Variants in RALGPS1 observed in about 807,000 individuals in gnomAD.
RALGPS1 encodes ras-specific guanine nucleotide-releasing factor RalGPS1.
A neutral mutation model predicts 78.8 loss-of-function variants in RALGPS1; 19 were observed. The observed-to-expected ratio is 0.24, with a 90% CI of 0.17 to 0.35. The LOEUF is 0.35. RALGPS1 is among the 10% of genes least tolerant of loss of function. RALGPS1 has a pLI of 1.00. For synonymous variants in RALGPS1, 228 were observed against 256.3 expected (o/e 0.89, Z 1.06); for missense variants, 454 against 688.3 (o/e 0.66, Z 3.81).
intron 17 of RALGPS1, 72 bp from the exon 18 acceptor site, chr9:127,214,679 C>T: frequency 6.5e-7 from 1 of 1,539,646 alleles, no homozygotes; most frequent in Non-Finnish European, 8.7e-7. Context: ...GTTTACATTT[C>T]TCTTTATGCC....
chr9:127,070,125 C>T (rs1222838939), intron 8 of RALGPS1: 1 of 152,152 alleles, frequency 6.6e-6, no homozygotes, highest in African/African-American at 2.4e-5. Context: ...AGCTGTTCCA[C>T]CTCAGATGAT....
intron 5 of RALGPS1, among the ~76,000 whole-genome samples, chr9:127,040,072 C>T (rs1174897957): frequency 6.6e-6 from 1 of 152,070 alleles, no homozygotes; most frequent in Non-Finnish European, 1.5e-5. Context: ...TTGGAAGGGT[C>T]AAGATGCAAG....
intron 8 of RALGPS1, among the ~76,000 whole-genome samples, chr9:127,162,313 A>T (rs1235595638): frequency 6.6e-6 from 1 of 152,214 alleles, no homozygotes; most frequent in Non-Finnish European, 1.5e-5. Context: ...GGGTGTGCCA[A>T]CTACATGTAG....
At chr9:127,042,310 A>G (rs1040354367) in intron 5 of RALGPS1, among the ~76,000 whole-genome samples, 3 of 152,208 alleles carry the variant, frequency 2.0e-5, no homozygotes, top group African/African-American at 7.2e-5. Flanking sequence ...AAAGTTTATT[A>G]GCACCATGAC....
rs139301377 is a variant in RALGPS1 at position 127,027,944 on chromosome 9, C to G, written c.217-6487C>G. On this transcript the variant is annotated intron_variant, in intron 4 of 18. Transcript: ENST00000259351. The stretch of plus-strand genomic sequence containing the variant: ...TCTTGTTTGTGGATTCAGCAAGTTA[C>G]AGCATGTAAGTCCCCTAGCCCAGAG... 1.7e-4 allele frequency among the ~76,000 whole-genome samples: 26 copies of G among 152,334 alleles called. 1 individual carries two copies. The East Asian group carries it at 5.0e-3, about 29-fold the overall frequency.
intron 1 of RALGPS1, among the ~76,000 whole-genome samples, chr9:126,949,815 T>C (rs1232029922): frequency 6.6e-6 from 1 of 151,830 alleles, no homozygotes; most frequent in Non-Finnish European, 1.5e-5. Context: ...CTCTTTAGTT[T>C]AATTAGATCC....
At chr9:127,154,294 G>T (rs1007401804) in intron 8 of RALGPS1, among the ~76,000 whole-genome samples, 17 of 152,236 alleles carry the variant, frequency 1.1e-4, no homozygotes, top group African/African-American at 4.1e-4. Context: ...GTGTCCACAG[G>T]GTGTCCTGGA....
intron 8 of RALGPS1, among the ~76,000 whole-genome samples, chr9:127,158,853 G>T (rs896588327): frequency 1.3e-5 from 2 of 150,490 alleles, no homozygotes; most frequent in Admixed American, 1.3e-4. Flanking sequence ...GAATTAATTG[G>T]TAAGTGTTTT....
In RALGPS1 at chr9:127,005,617, A is replaced by G. The variant is rs78833059; in HGVS notation, c.216+27872A>G. ...CAGAACAGAAAGCTGCTTCGACTAC[A>G]CAGGAGTTCACTGGCTCTCCAAAGG... On this transcript the variant is annotated intron_variant, in intron 4 of 18. Coordinates refer to ENST00000259351, the MANE Select transcript of RALGPS1 (RefSeq NM_014636.3). Among the ~76,000 whole-genome samples, 421 of 152,246 alleles carry G rather than the reference A, an allele frequency of 2.8e-3. 2 individuals carry two copies. The highest frequency in any genetic ancestry group is 9.5e-3 in the African/African-American group (394 of 41,560).
intron 4 of RALGPS1, among the ~76,000 whole-genome samples, chr9:127,002,433 C>CTTTTTT (rs11380006): frequency 7.7e-5 from 9 of 117,408 alleles, no homozygotes; most frequent in Non-Finnish European, 9.5e-5. Context: ...CACAAACATT[C>CTTTTTT]TTTTTTTTTT....
chr9:127,091,607 G>C lies in RALGPS1; in HGVS notation c.610+22251G>C. ...CCGTTTCCAAGCCCTGGAGTCAGGG[G>C]CTCTGGCTCTGGTTGACCTCTTTTC... On this transcript the variant is annotated intron_variant, in intron 8 of 18. Coordinates refer to ENST00000259351, the MANE Select transcript of RALGPS1 (RefSeq NM_014636.3). The surrounding 1 kb of genome is among the most constrained non-coding windows in gnomAD (Gnocchi z 4.3). 6.4e-7 allele frequency: 1 copy of C among 1,562,968 alleles called. No individual in the cohort carries two copies. The highest frequency in any genetic ancestry group is 8.7e-7 in the Non-Finnish European group (1 of 1,153,294).
At chr9:127,045,584 A>G (rs937549339) in intron 5 of RALGPS1, among the ~76,000 whole-genome samples, 6 of 152,210 alleles carry the variant, frequency 3.9e-5, no homozygotes, top group Admixed American at 6.6e-5. Context: ...GAAATTACAG[A>G]TAAGCCAGGT....
intron 1 of RALGPS1, among the ~76,000 whole-genome samples, chr9:126,952,708 T>G (rs2037975168): frequency 1.3e-5 from 2 of 151,956 alleles, no homozygotes; most frequent in African/African-American, 4.8e-5. Flanking sequence ...TGTGCGCATG[T>G]GCATGCGTGC....
intron 8 of RALGPS1, among the ~76,000 whole-genome samples, chr9:127,152,246 C>A (rs1451727753): frequency 2.6e-5 from 4 of 152,190 alleles, no homozygotes; most frequent in Non-Finnish European, 4.4e-5. Flanking sequence ...ACTTCTCCTA[C>A]ATGCAGTTCA....
intron 5 of RALGPS1, among the ~76,000 whole-genome samples, chr9:127,038,429 A>G (rs1017504404): frequency 6.6e-6 from 1 of 152,224 alleles, no homozygotes; most frequent in African/African-American, 2.4e-5. Context: ...CACTTTTCTA[A>G]TAGAAACTTC....
chr9:126,986,718 C>G (rs1380281610), intron 4 of RALGPS1, among the ~76,000 whole-genome samples: 4 of 152,212 alleles, frequency 2.6e-5, no homozygotes, highest in African/African-American at 9.6e-5. Flanking sequence ...TGGGCACAGC[C>G]TGTGCTTTAT....
chr9:127,128,308 T>C (rs1040504329), intron 8 of RALGPS1, among the ~76,000 whole-genome samples: 10 of 152,242 alleles, frequency 6.6e-5, no homozygotes, highest in African/African-American at 2.2e-4. Context: ...AAAGTTGCTC[T>C]TGTTTAATAC....
At chr9:127,151,178 G>A (rs1564671775) in intron 8 of RALGPS1, among the ~76,000 whole-genome samples, 1 of 125,572 alleles carries the variant, frequency 8.0e-6, no homozygotes, top group Non-Finnish European at 1.9e-5. Context: ...GCAAGACTCC[G>A]TCTCAAAAAA....
At chr9:126,957,245 G>A (rs757836201) in intron 1 of RALGPS1, among the ~76,000 whole-genome samples, 3 of 152,222 alleles carry the variant, frequency 2.0e-5, no homozygotes, top group Non-Finnish European at 2.9e-5. Context: ...GGTGTGCGCC[G>A]ATGGCCAGTG....
Sources: allele counts gnomAD v4.1 joint callset (sites outside exome capture counted in the v4.1 genomes callset), GRCh38; gene constraint gnomAD v4.1.1; non-coding constraint Gnocchi (gnomAD v3.1); transcripts MANE v1.5; gene names NCBI Gene and HGNC (gene_info 2026-07-23, HGNC 2026-07-21).